The following SPTBN1 variants were observed in gnomAD, a reference collection of about 807,000 sequenced individuals.
The protein encoded by SPTBN1 is spectrin beta, non-erythrocytic 1, also known as spectrin beta chain, non-erythrocytic 1.
In SPTBN1, 32 loss-of-function variants were observed where a neutral mutation model predicts 266.4. That is an observed-to-expected ratio of 0.12 (90% CI 0.09 to 0.16). The LOEUF (loss-of-function observed/expected upper bound fraction) is 0.16. Ranked by LOEUF, SPTBN1 falls within the 10% of genes least tolerant of loss-of-function variation. The probability of loss-of-function intolerance (pLI) is 1.00; values close to 1 mark genes in which losing one functional copy is unlikely to be tolerated. For missense variants in SPTBN1, 2,296 were observed against 3,067.1 expected (o/e 0.75, Z 5.94); for synonymous variants, 1,336 against 1,162.2 (o/e 1.15, Z -3.04).
chr2:54,578,633 C>T (rs1470973602), intron 2 of SPTBN1, among the ~76,000 whole-genome samples: 2 of 152,066 alleles, frequency 1.3e-5, no homozygotes, highest in African/African-American at 4.8e-5. Context: ...GATTTTGTTC[C>T]CATTCATTAT....
chr2:54,558,410 C>T lies in SPTBN1; in HGVS notation c.148+31844C>T. On this transcript the variant is annotated intron_variant, in intron 2 of 35. Coordinates refer to ENST00000356805, the MANE Select transcript of SPTBN1 (RefSeq NM_003128.3). The surrounding 1 kb of genome is among the most constrained non-coding windows in gnomAD (Gnocchi z 4.6). ...CTGGGAGGAGGTGTGCGCGCTGCGC[C>T]CGCGAGCTCCCGGGCTCGGCAACCG... 1 of 1,016,282 alleles carries T rather than the reference C, an allele frequency of 9.8e-7. No homozygotes were observed. The highest frequency in any genetic ancestry group is 1.7e-5 in the African/African-American group (1 of 58,312). 63.0% of individuals were successfully genotyped at this position (1,016,282 alleles called of 1,614,324 possible). A position where few individuals can be genotyped will look rare whatever the true frequency, so the allele number is the denominator to read the frequency against.
chr2:54,557,814 A>C (rs1672975589), intron 2 of SPTBN1: 21 of 985,184 alleles, frequency 2.1e-5, no homozygotes, highest in Non-Finnish European at 2.5e-5. Flanking sequence ...GAGATTCTTC[A>C]CTGAGCCCGA....
intron 1 of SPTBN1, among the ~76,000 whole-genome samples, chr2:54,511,123 C>T (rs559555962): frequency 1.3e-5 from 2 of 152,186 alleles, no homozygotes; most frequent in South Asian, 4.1e-4. Flanking sequence ...ATGATAAATG[C>T]ACTGTAAATC....
In SPTBN1 at chr2:54,644,407, G is replaced by A. The variant is rs747730085; in HGVS notation, c.4090G>A (p.Val1364Ile). Residue 1364 changes from valine to isoleucine, a missense_variant, in exon 20 of 36, where the codon GTC becomes ATC. Transcript: ENST00000356805. The stretch of plus-strand genomic sequence containing the variant: ...CACTGGTTTACATAAAATGTGGGAA[G>A]TCCTTGAATCCACTACCCAGACAAA... The part of the protein sequence containing the change: ...KLTGLHKMWE[V>I]LESTTQTKAQ... 1.2e-6 allele frequency: 2 copies of A among 1,614,128 alleles called. No individual in the cohort carries two copies. Among genetic ancestry groups the A allele is most frequent in the Admixed American group, 3.3e-5 (2 of 60,014 alleles).
chr2:54,469,520 C>T (rs1573212476), intron 1 of SPTBN1, among the ~76,000 whole-genome samples: 1 of 152,222 alleles, frequency 6.6e-6, no homozygotes, highest in Middle Eastern at 3.4e-3. Flanking sequence ...TGCAGGTGGC[C>T]AAAGCCCATC....
chr2:54,632,331 T>C (rs1336319086), intron 16 of SPTBN1, among the ~76,000 whole-genome samples: 2 of 152,148 alleles, frequency 1.3e-5, no homozygotes, highest in African/African-American at 4.8e-5. Context: ...CTTTGGTTCC[T>C]TTCCTCACTC....
intron 2 of SPTBN1, 125 bp downstream of exon 2, chr2:54,526,691 T>A: frequency 8.3e-7 from 1 of 1,207,874 alleles, no homozygotes; most frequent in South Asian, 2.0e-5. Context: ...TTTAAATGTG[T>A]CCTTGAGAGC....
chr2:54,621,874 A>T lies in SPTBN1; in HGVS notation c.876+362A>T, dbSNP rs965250092. On this transcript the variant is annotated intron_variant, in intron 8 of 35. Coordinates refer to ENST00000356805, the MANE Select transcript of SPTBN1 (RefSeq NM_003128.3). ...TTTACTTCTCATTTGGCTGATGTTCACCTGCCATGTTTTCAAAACACCTCA... is the reference window on the plus strand; with the variant it reads ...TTTACTTCTCATTTGGCTGATGTTCTCCTGCCATGTTTTCAAAACACCTCA... 2.0e-5 allele frequency among the ~76,000 whole-genome samples: 3 copies of T among 152,250 alleles called. No homozygotes were observed. The East Asian group carries it at 5.8e-4, about 29-fold the overall frequency.
chr2:54,607,232 A>G (rs1205101429), intron 3 of SPTBN1, among the ~76,000 whole-genome samples: 2 of 152,410 alleles, frequency 1.3e-5, no homozygotes, highest in East Asian at 3.9e-4. Context: ...ATAACAATAC[A>G]GAAATAAACA....
chr2:54,630,085 A>T, intron 15 of SPTBN1, 56 bp downstream of exon 15: 1 of 1,581,764 alleles, frequency 6.3e-7, no homozygotes. Flanking sequence ...GGGGAGGGTG[A>T]GGTCACTCAT....
Position 54,630,043 on chromosome 2 carries a change from C to T in SPTBN1, c.2807+14C>T, listed in dbSNP as rs1229850018. On this transcript the variant is annotated intron_variant, in intron 15 of 35. Coordinates refer to ENST00000356805, the MANE Select transcript of SPTBN1 (RefSeq NM_003128.3). ...ACTCAACACAAGGTGAGCACGTGGC[C>T]AGCAGTGTGCCAGCCTCCCACGTGT... The T allele has an allele frequency of 6.2e-7, 1 of 1,611,258 alleles. No homozygotes were observed. Among genetic ancestry groups the T allele is most frequent in the African/African-American group, 1.3e-5 (1 of 74,836 alleles).
intron 10 of SPTBN1, 84 bp downstream of exon 10, chr2:54,623,680 A>C: frequency 9.2e-7 from 1 of 1,087,646 alleles, no homozygotes. Context: ...CTAAGAGGAC[A>C]AGAGACTGGA....
chr2:54,576,561 C>G (rs192379218), intron 2 of SPTBN1, among the ~76,000 whole-genome samples: 1 of 152,120 alleles, frequency 6.6e-6, no homozygotes, highest in Non-Finnish European at 1.5e-5. Flanking sequence ...CTTATACGCT[C>G]TAGTTGATGC....
At chr2:54,492,940 TAC>T (rs980322276) in intron 1 of SPTBN1, among the ~76,000 whole-genome samples, 4 of 151,926 alleles carry the variant, frequency 2.6e-5, no homozygotes, top group Non-Finnish European at 4.4e-5. Flanking sequence ...GAATATTGAA[TAC>T]AGTGTCCATC....
At chr2:54,644,774 A>G (rs891652417) in intron 20 of SPTBN1, among the ~76,000 whole-genome samples, 188 bp downstream of exon 20, 2 of 152,244 alleles carry the variant, frequency 1.3e-5, no homozygotes, top group African/African-American at 4.8e-5. Flanking sequence ...TGTCCAAACT[A>G]GAAAGACACA....
intron 2 of SPTBN1, among the ~76,000 whole-genome samples, chr2:54,573,730 C>G (rs948481252): frequency 1.3e-5 from 2 of 152,152 alleles, no homozygotes; most frequent in Admixed American, 1.3e-4. Context: ...GACTCAACCC[C>G]TTTTTAATAT....
intron 1 of SPTBN1, among the ~76,000 whole-genome samples, chr2:54,522,678 G>GGA (rs1553439420): frequency 3.7e-4 from 29 of 78,638 alleles, no homozygotes; most frequent in Middle Eastern, 5.1e-3. Context: ...GAGAGAGAGA[G>GGA]GAGAGAGAGA....
chr2:54,671,120 T>C lies in SPTBN1; in HGVS notation c.*2551T>C, dbSNP rs961197729. Reference sequence around the variant, plus strand: ...AGTAAGAAGTAGTGAAAATAAGGCTTAGGATATGAAATGGCGTTGTCACTT... The same window carrying C: ...AGTAAGAAGTAGTGAAAATAAGGCTCAGGATATGAAATGGCGTTGTCACTT... On this transcript the variant is annotated 3_prime_UTR_variant, in exon 36 of 36. Coordinates refer to ENST00000356805, the MANE Select transcript of SPTBN1 (RefSeq NM_003128.3). The C allele has an allele frequency of 3.9e-6, 1 of 256,026 alleles. No individual in the cohort carries two copies. Among genetic ancestry groups the C allele is most frequent in the African/African-American group, 2.2e-5 (1 of 45,344 alleles). The allele number at this position is 256,026 out of a possible 1,614,324, so 15.9% of individuals were successfully genotyped here. A position where few individuals can be genotyped will look rare whatever the true frequency, so the allele number is the denominator to read the frequency against.
chr2:54,508,012 A>G (rs1039959680), intron 1 of SPTBN1, among the ~76,000 whole-genome samples: 10 of 152,128 alleles, frequency 6.6e-5, no homozygotes, highest in African/African-American at 2.2e-4. Context: ...AAAGAATAGG[A>G]CTTCATCAGG....
Sources: allele counts gnomAD v4.1 joint callset (sites outside exome capture counted in the v4.1 genomes callset), GRCh38; gene constraint gnomAD v4.1.1; non-coding constraint Gnocchi (gnomAD v3.1); transcripts MANE v1.5; gene names NCBI Gene and HGNC (gene_info 2026-07-23, HGNC 2026-07-21).